Variants in CDH20 observed in about 807,000 individuals in gnomAD.
CDH20 encodes cadherin 20.
Under a neutral mutation model 74.2 loss-of-function variants are expected in CDH20, and 29 were observed. The observed-to-expected ratio is 0.39, with a 90% confidence interval of 0.29 to 0.53. The LOEUF is 0.53. Ranked by LOEUF, CDH20 falls within the 20% of genes least tolerant of loss-of-function variation. The pLI is 0.69. For synonymous variants in CDH20, 469 were observed against 405.4 expected, an observed-to-expected ratio of 1.16 and a Z score of -1.88; for missense variants, 988 against 1,048.3, an observed-to-expected ratio of 0.94 and a Z score of 0.79.
intron 6 of CDH20, among the ~76,000 whole-genome samples, chr18:61,516,893 G>A (rs1912021138): frequency 6.6e-6 from 1 of 152,094 alleles, no homozygotes; most frequent in Non-Finnish European, 1.5e-5. Flanking sequence ...TTAGACAATT[G>A]AGGGCAATGT....
chr18:61,397,915 G>A (rs1467365492), intron 1 of CDH20, among the ~76,000 whole-genome samples: 9 of 152,294 alleles, frequency 5.9e-5, no homozygotes, highest in Non-Finnish European at 1.0e-4. Context: ...TGCCTTAATC[G>A]TAAGAGATGC....
At chr18:61,461,234 C>T (rs1015447072) in intron 1 of CDH20, among the ~76,000 whole-genome samples, 6 of 150,042 alleles carry the variant, frequency 4.0e-5, no homozygotes, top group African/African-American at 9.8e-5. Context: ...CATTCAAAAT[C>T]GGATCAAAAT....
chr18:61,477,879 T>C (rs985905010), intron 1 of CDH20, among the ~76,000 whole-genome samples: 3 of 152,150 alleles, frequency 2.0e-5, no homozygotes, highest in Admixed American at 6.6e-5. Flanking sequence ...TTTTATTATT[T>C]GTATTCTTAA....
chr18:61,421,578 T>C (rs1270465502), intron 1 of CDH20, among the ~76,000 whole-genome samples: 1 of 152,264 alleles, frequency 6.6e-6, no homozygotes, highest in East Asian at 1.9e-4. Flanking sequence ...GTTCAATTGA[T>C]CAGTAGAGTT....
At chr18:61,539,363 T>C (rs1912942895) in intron 9 of CDH20, among the ~76,000 whole-genome samples, 2 of 152,182 alleles carry the variant, frequency 1.3e-5, no homozygotes, top group Admixed American at 6.5e-5. Flanking sequence ...CCTAGCATTT[T>C]TGGAGGCTGA....
chr18:61,538,614 G>GTTTTTTTTTTTTTTTTT (rs541920246), intron 8 of CDH20, among the ~76,000 whole-genome samples: 1 of 57,550 alleles, frequency 1.7e-5, no homozygotes. Context: ...TTTTGTTTTT[G>GTTTTTTTTTTTTTTTTT]TTTTTGTTTT....
chr18:61,512,730 A>G (rs991768639), intron 6 of CDH20, among the ~76,000 whole-genome samples: 2 of 151,976 alleles, frequency 1.3e-5, no homozygotes, highest in African/African-American at 4.8e-5. Flanking sequence ...TTCAAAGAAC[A>G]TCTTTATTTC....
rs201946131 is a variant in CDH20, at chr18:61,507,334, C to T, written c.830-39C>T. The T allele has an allele frequency of 4.5e-5, 71 of 1,579,076 alleles. No homozygotes were observed. In the East Asian group the frequency reaches 4.5e-4, roughly 10 times the overall value. ...AATGATGAGGCATTTTTTATAGTGA[C>T]GGATTATCAAGAATGCGTGTCCTGG... On this transcript the variant is annotated intron_variant, in intron 5 of 11. Coordinates refer to ENST00000262717, the MANE Select transcript of CDH20 (RefSeq NM_031891.4).
At chr18:61,525,225 A>C (rs555370) in intron 6 of CDH20, among the ~76,000 whole-genome samples, 1 of 151,822 alleles carries the variant, frequency 6.6e-6, no homozygotes, top group East Asian at 1.9e-4. Context: ...TATACTAAAA[A>C]AGAAATTTTA....
Position 61,501,888 on chromosome 18 carries a change from G to A in CDH20, c.662-1065G>A, listed in dbSNP as rs1046344148. ...GTCTTAGATTATTTTGACAGCTCCC[G>A]GGGGGCATCTGTAGTGTTAAGGTCA... On this transcript the variant is annotated intron_variant, in intron 4 of 11. Transcript: ENST00000262717. Among the ~76,000 whole-genome samples, 18 of 152,038 alleles carry A rather than the reference G, an allele frequency of 1.2e-4. 1 individual carries two copies. Among genetic ancestry groups the A allele is most frequent in the African/African-American group, 3.1e-4 (13 of 41,414 alleles).
intron 1 of CDH20, among the ~76,000 whole-genome samples, chr18:61,340,582 AC>A: frequency 2.0e-5 from 3 of 152,178 alleles, no homozygotes; most frequent in African/African-American, 7.2e-5. Flanking sequence ...CACTAAGTGT[AC>A]TCATAAGTAT....
chr18:61,348,069 T>C (rs1192336525), intron 1 of CDH20, among the ~76,000 whole-genome samples: 1 of 152,198 alleles, frequency 6.6e-6, no homozygotes, highest in Admixed American at 6.5e-5. Flanking sequence ...CTACCTGCCA[T>C]CAACCTTTCT....
chr18:61,434,137 A>G (rs1266310682), intron 1 of CDH20, among the ~76,000 whole-genome samples: 2 of 152,184 alleles, frequency 1.3e-5, no homozygotes, highest in Non-Finnish European at 2.9e-5. Context: ...ATTTTCACAT[A>G]GCATTCTATA....
In CDH20 at chr18:61,381,031, A is replaced by T. The variant is rs577430663; in HGVS notation, c.-153+47204A>T. Among the ~76,000 whole-genome samples, 8 of 152,298 alleles carry T rather than the reference A, an allele frequency of 5.3e-5. No homozygotes were observed. The East Asian group carries it at 1.4e-3, about 26-fold the overall frequency. On this transcript the variant is annotated intron_variant, in intron 1 of 11. Transcript: ENST00000262717. ...CAAATTATTAATGTAATTATTGTTC[A>T]TCTAACGACATAAATCTGCCAGCCC...
At chr18:61,406,319 A>G (rs957402943) in intron 1 of CDH20, among the ~76,000 whole-genome samples, 6 of 152,210 alleles carry the variant, frequency 3.9e-5, no homozygotes, top group Non-Finnish European at 7.3e-5. Flanking sequence ...TAAAATGTGC[A>G]TCTCCATTAT....
At chr18:61,505,081 C>G (rs1911514218) in intron 5 of CDH20, among the ~76,000 whole-genome samples, 1 of 152,152 alleles carries the variant, frequency 6.6e-6, no homozygotes, top group South Asian at 2.1e-4. Context: ...ATTACTCACA[C>G]TATAGACTAT....
At chr18:61,412,782 T>G (rs980302986) in intron 1 of CDH20, among the ~76,000 whole-genome samples, 6 of 152,210 alleles carry the variant, frequency 3.9e-5, no homozygotes, top group African/African-American at 9.6e-5. Context: ...AGGAAAAGAT[T>G]CATGGTATAC....
intron 1 of CDH20, among the ~76,000 whole-genome samples, chr18:61,363,761 A>T (rs938240966): frequency 7.2e-5 from 11 of 152,148 alleles, no homozygotes; most frequent in African/African-American, 2.7e-4. Context: ...AGAGTCAGGG[A>T]ATTCATCCCA....
chr18:61,527,369 A>AGATAGATAGATAGATAGATAGAT (rs146948266), intron 6 of CDH20, among the ~76,000 whole-genome samples: 32,277 of 92,438 alleles, frequency 0.35, 4,016 homozygotes, highest in Admixed American at 0.4. Context: ...ATATTCTAAT[A>AGATAGATAGATAGATAGATAGAT]GATAGATAGA....
Sources: allele counts gnomAD v4.1 joint callset (sites outside exome capture counted in the v4.1 genomes callset), GRCh38; gene constraint gnomAD v4.1.1; transcripts MANE v1.5; gene names NCBI Gene and HGNC (gene_info 2026-07-23, HGNC 2026-07-21).